Variants in DISC1 observed in about 807,000 individuals in gnomAD.
DISC1 encodes the protein disrupted in schizophrenia 1 protein.
A neutral mutation model predicts 84.5 loss-of-function variants in DISC1; 57 were observed. The observed-to-expected ratio is 0.67, with a 90% CI of 0.55 to 0.84. The LOEUF is 0.84. Ranked by LOEUF, DISC1 falls within the 40% of genes least tolerant of loss-of-function variation. The pLI, the probability that DISC1 is intolerant of heterozygous loss-of-function variation, is 0.00. For missense variants in DISC1, 1,000 were observed against 1,057.8 expected (o/e 0.95, Z 0.76); for synonymous variants, 411 against 415.2 (o/e 0.99, Z 0.12).
chr1:231,831,608 C>T (rs1440246551), intron 9 of DISC1, among the ~76,000 whole-genome samples: 6 of 152,206 alleles, frequency 3.9e-5, no homozygotes, highest in African/African-American at 1.4e-4. Context: ...TTTTGATGGC[C>T]TTTGCAGTGA....
chr1:231,837,060 A>G (rs1461812079), intron 9 of DISC1, among the ~76,000 whole-genome samples: 1 of 151,896 alleles, frequency 6.6e-6, no homozygotes, highest in East Asian at 1.9e-4. Context: ...CTATAAATAA[A>G]TGCTCTCTTT....
chr1:232,018,015 T>C (rs568947687), intron 11 of DISC1, among the ~76,000 whole-genome samples: 118 of 152,328 alleles, frequency 7.7e-4, no homozygotes, highest in African/African-American at 2.8e-3. Context: ...CAAATCTCCA[T>C]TGATGATAAC....
intron 1 of DISC1, among the ~76,000 whole-genome samples, chr1:231,653,833 G>T (rs1350392986): frequency 6.6e-6 from 1 of 152,150 alleles, no homozygotes; most frequent in Non-Finnish European, 1.5e-5. Context: ...AACTAGAAGA[G>T]AATAAAGTTA....
intron 9 of DISC1, among the ~76,000 whole-genome samples, chr1:231,858,247 C>T (rs1245123656): frequency 2.0e-5 from 3 of 152,226 alleles, no homozygotes; most frequent in Admixed American, 2.0e-4. Context: ...GGCTCTCTTC[C>T]CTGGCTAAGC....
chr1:231,696,042 G>A (rs535766542), intron 2 of DISC1, among the ~76,000 whole-genome samples: 3 of 152,194 alleles, frequency 2.0e-5, no homozygotes, highest in South Asian at 2.1e-4. Flanking sequence ...CCCGAAACCC[G>A]TTCTGAAGGG....
At chr1:231,910,658 T>C (rs1176530677) in intron 9 of DISC1, among the ~76,000 whole-genome samples, 5 of 152,212 alleles carry the variant, frequency 3.3e-5, no homozygotes, top group African/African-American at 1.2e-4. Context: ...TCTGTTGATT[T>C]GGGGTGGAGA....
chr1:231,970,474 T>C (rs1661792200), intron 10 of DISC1, among the ~76,000 whole-genome samples: 1 of 152,234 alleles, frequency 6.6e-6, no homozygotes, highest in African/African-American at 2.4e-5. Context: ...CCCTGTGGGC[T>C]TGTCTGGTGA....
chr1:231,959,065 T>A, intron 10 of DISC1, 177 bp downstream of exon 10: 1 of 1,386,980 alleles, frequency 7.2e-7, no homozygotes, highest in Non-Finnish European at 9.3e-7. Context: ...AGCCCTCATC[T>A]TGTCTTTTAA....
At chr1:231,733,105 A>AG (rs1420923430) in intron 3 of DISC1, among the ~76,000 whole-genome samples, 7 of 9,216 alleles carry the variant, frequency 7.6e-4, no homozygotes, top group South Asian at 4.4e-3. Context: ...AGAGTTGGTG[A>AG]TGGTGGTAGT....
Position 231,693,910 on chromosome 1 carries a change from G to C in DISC1, c.152G>C (p.Gly51Ala), listed in dbSNP as rs980723061. 6.2e-7 allele frequency: 1 copy of C among 1,614,058 alleles called. No individual in the cohort carries two copies. The highest frequency in any genetic ancestry group is 1.3e-5 in the African/African-American group (1 of 74,914). ...CCGGGCTACATGAGAAGCTCGACAG[G>C]GCCTGGGATCGGGTTCCTTTCCCCA... ...RRPGYMRSST[G>A]PGIGFLSPAV... The change falls in exon 2 of 13, where the codon GGG becomes GCG. Residue 51 changes from glycine to alanine, a missense_variant. Gly to Ala is a moderately conservative substitution (Grantham distance 60). This residue lies in a region of DISC1 where 292 missense variants were observed against 280.2 expected (regional missense o/e 1.04). Coordinates refer to ENST00000439617, the MANE Select transcript of DISC1 (RefSeq NM_018662.3).
intron 1 of DISC1, among the ~76,000 whole-genome samples, chr1:231,641,374 A>G (rs929018747): frequency 6.6e-6 from 1 of 151,032 alleles, no homozygotes; most frequent in Non-Finnish European, 1.5e-5. Flanking sequence ...CTTCGCGGTG[A>G]GTGTTACAGC....
At chr1:231,840,989 C>G (rs911896264) in intron 9 of DISC1, among the ~76,000 whole-genome samples, 6 of 152,172 alleles carry the variant, frequency 3.9e-5, no homozygotes, top group Non-Finnish European at 8.8e-5. Context: ...CATTAATCCT[C>G]TCTATGAGGT....
chr1:231,989,626 A>G (rs1183049138), intron 10 of DISC1, among the ~76,000 whole-genome samples: 1 of 152,218 alleles, frequency 6.6e-6, no homozygotes, highest in Non-Finnish European at 1.5e-5. Flanking sequence ...TAAAGCAGAC[A>G]TTGCCTGAGA....
chr1:231,911,191 G>A (rs1477613676), intron 9 of DISC1, among the ~76,000 whole-genome samples: 3 of 152,068 alleles, frequency 2.0e-5, no homozygotes, highest in African/African-American at 7.2e-5. Flanking sequence ...GGTTAATATT[G>A]TTATATGTCA....
chr1:231,703,115 T>C (rs942459643), intron 3 of DISC1, among the ~76,000 whole-genome samples: 2 of 152,244 alleles, frequency 1.3e-5, no homozygotes, highest in African/African-American at 4.8e-5. Flanking sequence ...TAGAAAATCC[T>C]GTTCTAGGAA....
At chr1:231,930,758 G>T (rs6672619) in intron 9 of DISC1, among the ~76,000 whole-genome samples, 26 of 152,248 alleles carry the variant, frequency 1.7e-4, no homozygotes, top group African/African-American at 5.5e-4. Context: ...CAAACTCAAT[G>T]CTATCTAGTT....
intron 4 of DISC1, among the ~76,000 whole-genome samples, chr1:231,752,368 T>C (rs1482763631): frequency 6.6e-6 from 1 of 152,008 alleles, no homozygotes; most frequent in Non-Finnish European, 1.5e-5. Context: ...ACACATTGCA[T>C]TGCCAGAGTA....
Position 232,040,060 on chromosome 1 carries a change from C to T in DISC1, c.*3229C>T, listed in dbSNP as rs1005227944. On this transcript the variant is annotated 3_prime_UTR_variant, in exon 13 of 13. Coordinates refer to ENST00000439617, the MANE Select transcript of DISC1 (RefSeq NM_018662.3). ...TTGGAGTGCAGTGGCCCCGCAATCT[C>T]GGCTCACTGCAACCTCTACCTCCCA... 6 of 151,978 alleles carry T rather than the reference C, an allele frequency of 3.9e-5. No homozygotes were observed. Among genetic ancestry groups the T allele is most frequent in the South Asian group, 2.1e-4 (1 of 4,810 alleles). The allele number at this position is 151,978 out of a possible 1,614,324, so 9.4% of individuals were successfully genotyped here.
intron 3 of DISC1, among the ~76,000 whole-genome samples, chr1:231,738,383 G>A (rs953382643): frequency 3.3e-5 from 5 of 152,168 alleles, no homozygotes; most frequent in African/African-American, 7.2e-5. Context: ...TGAGCAGTTC[G>A]TTAGTACTCA....
Sources: allele counts gnomAD v4.1 joint callset (sites outside exome capture counted in the v4.1 genomes callset), GRCh38; gene constraint gnomAD v4.1.1; regional missense constraint gnomAD v4.1.1; transcripts MANE v1.5; gene names NCBI Gene and HGNC (gene_info 2026-07-23, HGNC 2026-07-21).